Variants in CSMD1 observed in about 807,000 individuals in gnomAD.
CSMD1 encodes CUB and sushi domain-containing protein 1.
Under a neutral mutation model 417.5 loss-of-function variants are expected in CSMD1, and 213 were observed. That is an observed-to-expected ratio of 0.51 (90% CI 0.46 to 0.57). The LOEUF (loss-of-function observed/expected upper bound fraction) is 0.57, where lower values mean the gene tolerates loss of function less well. Among genes scored for constraint, CSMD1 ranks in the 20% least tolerant of loss-of-function variants. The probability of loss-of-function intolerance (pLI) is 0.00; values close to 1 mark genes in which losing one functional copy is unlikely to be tolerated. For synonymous variants in CSMD1, 2,862 were observed against 1,736.8 expected, an observed-to-expected ratio of 1.65 and a Z score of -16.11; for missense variants, 6,923 against 4,529.7, an observed-to-expected ratio of 1.53 and a Z score of -15.17.
At chr8:4,057,191 C>T (rs1315424707) in intron 3 of CSMD1, among the ~76,000 whole-genome samples, 3 of 152,134 alleles carry the variant, frequency 2.0e-5, no homozygotes, top group Admixed American at 1.3e-4. Context: ...CTCTCCAGCA[C>T]CTGTTGTTTC....
intron 10 of CSMD1, among the ~76,000 whole-genome samples, chr8:3,564,935 C>A (rs555173606): frequency 6.6e-6 from 1 of 151,522 alleles, no homozygotes; most frequent in South Asian, 2.1e-4. Flanking sequence ...GACAAGGACA[C>A]AATCATGGAT....
intron 3 of CSMD1, among the ~76,000 whole-genome samples, chr8:4,299,376 G>A (rs1327037842): frequency 6.6e-6 from 1 of 152,120 alleles, no homozygotes; most frequent in African/African-American, 2.4e-5. Context: ...TGTCTGAAGT[G>A]ATTGTAGATA....
intron 3 of CSMD1, among the ~76,000 whole-genome samples, chr8:4,063,578 T>C (rs1307194979): frequency 3.9e-5 from 6 of 152,148 alleles, no homozygotes; most frequent in African/African-American, 7.2e-5. Context: ...TAAGCAATAT[T>C]CCTTGGCACT....
rs73660895 is a variant in CSMD1, at chr8:4,524,693, C to A, written c.303-104628G>T. 2.2e-3 allele frequency among the ~76,000 whole-genome samples: 327 copies of A among 151,930 alleles called. 3 individuals carry two copies. Among genetic ancestry groups the A allele is most frequent in the African/African-American group, 7.5e-3 (309 of 41,434 alleles). ...TATCTCCTTAGACAATAAATACGCCCAGAGTTTTTAAAACCAAATCTGATA... is the reference window on the plus strand; with the variant it reads ...TATCTCCTTAGACAATAAATACGCCAAGAGTTTTTAAAACCAAATCTGATA... On this transcript the variant is annotated intron_variant, in intron 2 of 69. Coordinates refer to ENST00000635120, the MANE Select transcript of CSMD1 (RefSeq NM_033225.6).
chr8:4,900,504 C>T (rs1253414348), intron 1 of CSMD1, among the ~76,000 whole-genome samples: 1 of 152,136 alleles, frequency 6.6e-6, no homozygotes, highest in Admixed American at 6.5e-5. Flanking sequence ...GCTGTCATCA[C>T]TTCTGGTCTG....
intron 8 of CSMD1, among the ~76,000 whole-genome samples, chr8:3,610,265 C>A (rs1291050307): frequency 6.6e-6 from 1 of 152,120 alleles, no homozygotes; most frequent in African/African-American, 2.4e-5. Flanking sequence ...GTGGGCTGGG[C>A]ACGGTATCAG....
At chr8:3,622,952 T>G (rs934307665) in intron 7 of CSMD1, among the ~76,000 whole-genome samples, 4 of 152,202 alleles carry the variant, frequency 2.6e-5, no homozygotes, top group Non-Finnish European at 5.9e-5. Context: ...AACTCTAATT[T>G]TGTTGAATTA....
chr8:4,221,594 CA>C lies in CSMD1; in HGVS notation c.416-189496del, dbSNP rs913564615. ...GTCAAAACATGTGAAAACAGTGCTC[CA>C]AAAAAAAGACCTCTGAGAATAGTGA... On this transcript the variant is annotated intron_variant, in intron 3 of 69. Coordinates refer to ENST00000635120, the MANE Select transcript of CSMD1 (RefSeq NM_033225.6). 1.6e-4 allele frequency among the ~76,000 whole-genome samples: 24 copies of C among 151,610 alleles called. No individual in the cohort carries two copies. In the South Asian group the frequency reaches 2.3e-3, roughly 15 times the overall value.
intron 1 of CSMD1, among the ~76,000 whole-genome samples, chr8:4,930,781 G>C (rs572284754): frequency 1.3e-5 from 2 of 152,238 alleles, no homozygotes; most frequent in Non-Finnish European, 2.9e-5. Context: ...CATAAATTAA[G>C]GAAAGCAATT....
chr8:4,691,778 T>C (rs1806784278), intron 1 of CSMD1, among the ~76,000 whole-genome samples: 1 of 152,232 alleles, frequency 6.6e-6, no homozygotes, highest in East Asian at 1.9e-4. Flanking sequence ...GAATGCTAAA[T>C]TTTAACCTTT....
intron 2 of CSMD1, among the ~76,000 whole-genome samples, chr8:4,634,156 G>C (rs935168574): frequency 1.2e-4 from 19 of 152,020 alleles, no homozygotes; most frequent in Middle Eastern, 3.4e-3. Context: ...GTTTATTGAT[G>C]GGTGCCCAAA....
At chr8:3,416,831 G>C (rs1457132360) in intron 12 of CSMD1, among the ~76,000 whole-genome samples, 1 of 152,216 alleles carries the variant, frequency 6.6e-6, no homozygotes. Flanking sequence ...AGAACTCCAT[G>C]AATGACAGCT....
chr8:4,431,468 G>C (rs1316806286), intron 2 of CSMD1, among the ~76,000 whole-genome samples: 2 of 152,212 alleles, frequency 1.3e-5, no homozygotes, highest in Admixed American at 1.3e-4. Context: ...GAGGAGGGCA[G>C]AGAGAGAAGA....
Position 4,420,059 on chromosome 8 carries a change from C to T in CSMD1, c.309G>A (p.Ser103=), listed in dbSNP as rs747921329. 1.2e-5 allele frequency: 19 copies of T among 1,555,694 alleles called. No homozygotes were observed. Among genetic ancestry groups the T allele is most frequent in the South Asian group, 2.4e-5 (2 of 84,386 alleles). Residue 103 remains serine, a synonymous_variant, in exon 3 of 70, where the codon TCG becomes TCA. Coordinates refer to ENST00000635120, the MANE Select transcript of CSMD1 (RefSeq NM_033225.6). The part of the protein sequence containing the change: ...PQQGNLKVRL[S]GFQLPSSIVS... Reference sequence around the variant, plus strand: ...CTATAGAGGAGGGCAGCTGAAATCCCGATAATCTAAATTTAAAAGACAAGA... The same window carrying T: ...CTATAGAGGAGGGCAGCTGAAATCCTGATAATCTAAATTTAAAAGACAAGA...
intron 1 of CSMD1, among the ~76,000 whole-genome samples, chr8:4,967,626 G>A (rs1040696416): frequency 3.3e-5 from 5 of 152,096 alleles, no homozygotes; most frequent in African/African-American, 9.7e-5. Flanking sequence ...TCGGTTCTAT[G>A]TTCAGTTCTT....
Position 4,154,455 on chromosome 8 carries a change from A to G in CSMD1, c.416-122356T>C, listed in dbSNP as rs74755490. ...TATTGCCTCAAAGAGCTGAAAATCA[A>G]TGGGTATCTGTGGAAGGAGAATGGT... On this transcript the variant is annotated intron_variant, in intron 3 of 69. Coordinates refer to ENST00000635120, the MANE Select transcript of CSMD1 (RefSeq NM_033225.6). Among the ~76,000 whole-genome samples the G allele has an allele frequency of 1.1e-3, 163 of 152,244 alleles. 2 individuals carry two copies. In the East Asian group the frequency reaches 0.027, roughly 25 times the overall value.
chr8:4,292,219 C>T (rs1322099985), intron 3 of CSMD1, among the ~76,000 whole-genome samples: 4 of 152,092 alleles, frequency 2.6e-5, no homozygotes, highest in African/African-American at 9.7e-5. Context: ...CTTTTTCTTA[C>T]TTTCCAAAGA....
chr8:4,312,383 A>ATATATACACACACG (rs1563435083), intron 3 of CSMD1, among the ~76,000 whole-genome samples: 5 of 67,156 alleles, frequency 7.4e-5, no homozygotes, highest in African/African-American at 2.1e-4. Context: ...ACAAATATAT[A>ATATATACACACACG]TATATATATA....
At chr8:4,840,370 G>C (rs990050058) in intron 1 of CSMD1, among the ~76,000 whole-genome samples, 1 of 152,130 alleles carries the variant, frequency 6.6e-6, no homozygotes, top group Admixed American at 6.5e-5. Context: ...TATGAAACTA[G>C]CCGATTACTT....
Sources: allele counts gnomAD v4.1 joint callset (sites outside exome capture counted in the v4.1 genomes callset), GRCh38; gene constraint gnomAD v4.1.1; transcripts MANE v1.5; gene names NCBI Gene and HGNC (gene_info 2026-07-23, HGNC 2026-07-21).